NTRK2: variants seen among roughly 807,000 people sequenced by gnomAD.
The protein encoded by NTRK2 is BDNF/NT-3 growth factors receptor.
In NTRK2, 13 loss-of-function variants were observed where a neutral mutation model predicts 94.5. That is an observed-to-expected ratio of 0.14 (90% CI 0.09 to 0.22). NTRK2 has a LOEUF of 0.22. Among genes scored for constraint, NTRK2 ranks in the 10% least tolerant of loss-of-function variants. NTRK2 has a pLI of 1.00. For missense variants in NTRK2, 639 were observed against 1,071.2 expected, an observed-to-expected ratio of 0.60 and a Z score of 5.63; for synonymous variants, 372 against 407.4, an observed-to-expected ratio of 0.91 and a Z score of 1.05.
intron 12 of NTRK2, among the ~76,000 whole-genome samples, chr9:84,785,751 A>G (rs995519343): frequency 6.6e-6 from 1 of 152,098 alleles, no homozygotes; most frequent in Non-Finnish European, 1.5e-5. Context: ...TGAGATTTTT[A>G]TTCATTCTTT....
At chr9:84,976,437 A>G (rs749583356) in intron 17 of NTRK2, among the ~76,000 whole-genome samples, 4 of 152,212 alleles carry the variant, frequency 2.6e-5, no homozygotes, top group Non-Finnish European at 4.4e-5. Context: ...GAGGGCTTCA[A>G]CATAGGAATT....
At chr9:84,721,397 C>T (rs1402583433) in intron 6 of NTRK2, among the ~76,000 whole-genome samples, 1 of 152,096 alleles carries the variant, frequency 6.6e-6, no homozygotes, top group Non-Finnish European at 1.5e-5. Flanking sequence ...AGGCTGGTCT[C>T]CATCTCCTGA....
intron 17 of NTRK2, among the ~76,000 whole-genome samples, chr9:85,011,918 C>T (rs993627068): frequency 2.0e-5 from 3 of 147,446 alleles, no homozygotes; most frequent in South Asian, 2.1e-4. Flanking sequence ...ACATGCCTGA[C>T]CTACCCCACA....
intron 2 of NTRK2, among the ~76,000 whole-genome samples, chr9:84,683,298 C>T (rs1263803068): frequency 1.3e-5 from 2 of 152,022 alleles, no homozygotes; most frequent in East Asian, 1.9e-4. Flanking sequence ...AGGCTTTAAG[C>T]CCCACATGCA....
At position 84,725,212 on chromosome 9, in the gene NTRK2, G is replaced by A. The variant is rs1262608287; in HGVS notation, c.853+856G>A. On this transcript the variant is annotated intron_variant, in intron 8 of 18. Coordinates refer to ENST00000277120, the MANE Select transcript of NTRK2 (RefSeq NM_006180.6). ...CACGTGTAGACCCATGGCCATAGCT[G>A]GTATCAATATGCTGGTTAACACTCA... 3.9e-5 allele frequency among the ~76,000 whole-genome samples: 6 copies of A among 152,020 alleles called. No homozygotes were observed. In the East Asian group the frequency reaches 9.6e-4, roughly 24 times the overall value.
intron 10 of NTRK2, among the ~76,000 whole-genome samples, chr9:84,744,387 T>C (rs2063887560): frequency 6.6e-6 from 1 of 152,190 alleles, no homozygotes; most frequent in Non-Finnish European, 1.5e-5. Context: ...AGTTTACGTG[T>C]GGACCCAAGT....
At chr9:84,815,142 T>G in intron 12 of NTRK2, 1 of 1,057,178 alleles carries the variant, frequency 9.5e-7, no homozygotes, top group Admixed American at 5.4e-5. Flanking sequence ...AGTTTTGGTC[T>G]TCAGAGACAA....
At chr9:84,873,934 T>C (rs2075968175) in intron 14 of NTRK2, 1 of 1,062,950 alleles carries the variant, frequency 9.4e-7, no homozygotes, top group Admixed American at 5.4e-5. Flanking sequence ...CTGTGTTTAC[T>C]CCCTCATCAT....
intron 2 of NTRK2, among the ~76,000 whole-genome samples, chr9:84,701,641 G>A (rs2060729583): frequency 6.6e-6 from 1 of 152,168 alleles, no homozygotes; most frequent in Admixed American, 6.5e-5. Flanking sequence ...GGCAGAAGGA[G>A]GAGATGCTGG....
At chr9:84,772,248 C>A (rs1275897952) in intron 12 of NTRK2, among the ~76,000 whole-genome samples, 1 of 152,062 alleles carries the variant, frequency 6.6e-6, no homozygotes, top group Non-Finnish European at 1.5e-5. Context: ...ACTTGTTCTC[C>A]CTATAAACAA....
At chr9:84,948,721 C>T in intron 16 of NTRK2, 87 bp downstream of exon 16, 2 of 1,198,970 alleles carry the variant, frequency 1.7e-6, no homozygotes, top group Admixed American at 2.1e-5. Context: ...AACAAGGGAC[C>T]CCTGGACCTT....
chr9:84,815,712 G>A, intron 12 of NTRK2: 1 of 1,008,412 alleles, frequency 9.9e-7, no homozygotes, highest in Non-Finnish European at 1.2e-6. Context: ...ATCTCCATGT[G>A]TCTTGCATTC....
chr9:84,811,811 C>G (rs192067678), intron 12 of NTRK2: 2 of 1,065,424 alleles, frequency 1.9e-6, no homozygotes, highest in Admixed American at 5.3e-5. Context: ...CCCATGGACA[C>G]CTGTTTCATT....
At chr9:84,747,718 T>G (rs2064217173) in intron 11 of NTRK2, among the ~76,000 whole-genome samples, 1 of 152,130 alleles carries the variant, frequency 6.6e-6, no homozygotes, top group Non-Finnish European at 1.5e-5. Context: ...CCTGACCTTG[T>G]GATCTGCCCG....
intron 12 of NTRK2, among the ~76,000 whole-genome samples, chr9:84,773,164 G>A (rs2066719092): frequency 6.6e-6 from 1 of 152,088 alleles, no homozygotes; most frequent in South Asian, 2.1e-4. Flanking sequence ...CTGGTCTCCT[G>A]GCCTTCACAT....
intron 12 of NTRK2, among the ~76,000 whole-genome samples, chr9:84,845,814 G>A (rs980133717): frequency 2.6e-5 from 4 of 151,884 alleles, no homozygotes; most frequent in Non-Finnish European, 2.9e-5. Flanking sequence ...CAGCATATTG[G>A]GTACAGTGTA....
chr9:84,699,664 T>G (rs2060599104), intron 2 of NTRK2, among the ~76,000 whole-genome samples: 4 of 111,810 alleles, frequency 3.6e-5, no homozygotes, highest in East Asian at 2.6e-4. Flanking sequence ...TATGTGTGTG[T>G]TTTTTTTTTT....
At chr9:84,953,957 C>T (rs995374874) in intron 16 of NTRK2, among the ~76,000 whole-genome samples, 7 of 152,062 alleles carry the variant, frequency 4.6e-5, no homozygotes, top group East Asian at 1.9e-4. Context: ...AGGCTGGAGC[C>T]GGGATGGAAG....
intron 12 of NTRK2, among the ~76,000 whole-genome samples, chr9:84,764,649 T>G (rs982872459): frequency 6.6e-6 from 1 of 152,196 alleles, no homozygotes; most frequent in Non-Finnish European, 1.5e-5. Flanking sequence ...GAGAACAGTT[T>G]GGAAGTTCTT....
Sources: gnomAD v4.1 joint callset for allele counts (sites outside exome capture counted in the v4.1 genomes callset) on GRCh38, gnomAD v4.1.1 for gene constraint, MANE v1.5 for transcripts, NCBI Gene and HGNC (gene_info 2026-07-23, HGNC 2026-07-21) for gene names.